The following KDM1B variants were observed in gnomAD, a reference collection of about 807,000 sequenced individuals.
The protein encoded by KDM1B is lysine demethylase 1B, also known as lysine-specific histone demethylase 2.
In KDM1B, 63 loss-of-function variants were observed where a neutral mutation model predicts 107.4. The ratio of observed to expected loss-of-function variants is 0.59; its 90% CI spans 0.48 to 0.72. KDM1B has a LOEUF of 0.72. KDM1B is among the 30% of genes least tolerant of loss of function. The pLI is 0.00. For missense variants in KDM1B, 749 were observed against 1,020.8 expected (o/e 0.73, Z 3.63); for synonymous variants, 363 against 363.9 (o/e 1.00, Z 0.03).
At position 18,201,348 on chromosome 6, in the gene KDM1B, G is replaced by T; in HGVS notation, c.1360-138G>T. The T allele has an allele frequency of 4.8e-6, 3 of 620,662 alleles. No homozygotes were observed. Among genetic ancestry groups the T allele is most frequent in the East Asian group, 2.8e-5 (1 of 35,456 alleles). The allele number at this position is 620,662 out of a possible 1,614,324, so 38.4% of individuals were successfully genotyped here. On this transcript the variant is annotated intron_variant, in intron 13 of 21. Coordinates refer to ENST00000650836, the MANE Select transcript of KDM1B (RefSeq NM_001364614.2). This position sits in a 1 kb window ranked among gnomAD's most constrained non-coding sequence, Gnocchi z 4.3. ...CTGCCTGACTTTGCTGCCATTCCCC[G>T]TGAAGCATATTTAGCTTTATTTTTG... is the stretch of plus-strand genomic sequence containing the variant.
At chr6:18,156,474 T>C (rs758893146) in intron 2 of KDM1B, among the ~76,000 whole-genome samples, 1 of 152,128 alleles carries the variant, frequency 6.6e-6, no homozygotes, top group African/African-American at 2.4e-5. Context: ...TTGTTTTGTG[T>C]TTTTAAATCT....
Position 18,213,605 on chromosome 6 carries a change from T to G in KDM1B, c.1984-51T>G, listed in dbSNP as rs1189647125. On this transcript the variant is annotated intron_variant, in intron 18 of 21. Transcript: ENST00000650836. The surrounding 1 kb of genome is among the most constrained non-coding windows in gnomAD (Gnocchi z 5.9). ...CAGGTTGCTGCTTAGATATTGCCTGTGGTTTTGTGACGACAGACACCTAAC... is the reference window on the plus strand; with the variant it reads ...CAGGTTGCTGCTTAGATATTGCCTGGGGTTTTGTGACGACAGACACCTAAC... The G allele has an allele frequency of 2.4e-5, 39 of 1,607,946 alleles. No homozygotes were observed. The highest frequency in any genetic ancestry group is 3.3e-5 in the Non-Finnish European group (39 of 1,174,922).
chr6:18,201,143 TTGTG>T lies in KDM1B; in HGVS notation c.1360-339_1360-336del, dbSNP rs1788003581. Among the ~76,000 whole-genome samples, 2 of 152,184 alleles carry T rather than the reference TTGTG, an allele frequency of 1.3e-5. No individual in the cohort carries two copies. The highest frequency in any genetic ancestry group is 4.8e-5 in the African/African-American group (2 of 41,440). On this transcript the variant is annotated intron_variant, in intron 13 of 21. Coordinates refer to ENST00000650836, the MANE Select transcript of KDM1B (RefSeq NM_001364614.2). This position sits in a 1 kb window ranked among gnomAD's most constrained non-coding sequence, Gnocchi z 4.3. ...ACTTCTGCTATGAGTGTTTGTGTGT[TTGTG>T]TGTTCATTTACATGAGGGTCCACAG...
chr6:18,174,935 T>A (rs1247140994), intron 7 of KDM1B, among the ~76,000 whole-genome samples: 1 of 152,256 alleles, frequency 6.6e-6, no homozygotes. Context: ...AATTGTGAAC[T>A]GTGCTGCTAT....
chr6:18,199,598 T>C (rs560467635), intron 12 of KDM1B, among the ~76,000 whole-genome samples: 53 of 152,178 alleles, frequency 3.5e-4, no homozygotes, highest in African/African-American at 1.2e-3. Flanking sequence ...CAGCTTCTCA[T>C]GCCACCAGCA....
intron 10 of KDM1B, among the ~76,000 whole-genome samples, chr6:18,195,703 C>A (rs1368922001): frequency 7.5e-6 from 1 of 134,116 alleles, no homozygotes; most frequent in African/African-American, 3.0e-5. Flanking sequence ...CCACTGCACT[C>A]CAGCCTGGTG....
At chr6:18,192,684 C>T (rs1381748501) in intron 10 of KDM1B, among the ~76,000 whole-genome samples, 1 of 150,334 alleles carries the variant, frequency 6.7e-6, no homozygotes, top group African/African-American at 2.5e-5. Flanking sequence ...GCAGGAGGAT[C>T]GCTTGTGCCT....
intron 9 of KDM1B, 114 bp downstream of exon 9, chr6:18,188,116 G>C: frequency 1.1e-6 from 1 of 938,196 alleles, no homozygotes; most frequent in Non-Finnish European, 1.6e-6. Flanking sequence ...TGGGCACAGT[G>C]GCTCATGCCT....
rs9477670 is a variant in KDM1B, at chr6:18,203,259, A to G, written c.1531+1602A>G. Among the ~76,000 whole-genome samples, 223 of 152,338 alleles carry G rather than the reference A, an allele frequency of 1.5e-3. 1 individual carries two copies. Among genetic ancestry groups the G allele is most frequent in the African/African-American group, 4.8e-3 (200 of 41,584 alleles). ...GCCACTGCACCTCAGCTTGGGTGAC[A>G]TAGTGAGACACTGTCTCACAAACAA... On this transcript the variant is annotated intron_variant, in intron 14 of 21. Coordinates refer to ENST00000650836, the MANE Select transcript of KDM1B (RefSeq NM_001364614.2). The surrounding 1 kb of genome is among the most constrained non-coding windows in gnomAD (Gnocchi z 5.5).
At position 18,222,488 on chromosome 6, in the gene KDM1B, G is replaced by C. The variant is rs770053589; in HGVS notation, c.*496G>C. The C allele has an allele frequency of 9.0e-5, 18 of 199,682 alleles. No individual in the cohort carries two copies. In the East Asian group the frequency reaches 2.3e-3, roughly 25 times the overall value. The allele number at this position is 199,682 out of a possible 1,614,324, so 12.4% of individuals were successfully genotyped here. ...ATATTGAGCTTTTACTTAAAATTTAGATAGAACTTTTTTTTGGATACAGCA... is the reference window on the plus strand; with the variant it reads ...ATATTGAGCTTTTACTTAAAATTTACATAGAACTTTTTTTTGGATACAGCA... On this transcript the variant is annotated 3_prime_UTR_variant, in exon 22 of 22. Coordinates refer to ENST00000650836, the MANE Select transcript of KDM1B (RefSeq NM_001364614.2).
Position 18,162,774 on chromosome 6 carries a change from A to T in KDM1B, c.216-61A>T. ...AGATGGTGCTTGCAAGATGTTTTTT[A>T]AAAAATGGGAGGAGAAATGTTTATT... On this transcript the variant is annotated intron_variant, in intron 4 of 21. Transcript: ENST00000650836. The surrounding 1 kb of genome is among the most constrained non-coding windows in gnomAD (Gnocchi z 4.1). The T allele has an allele frequency of 2.0e-6, 2 of 977,708 alleles. No homozygotes were observed. Among genetic ancestry groups the T allele is most frequent in the Non-Finnish European group, 3.3e-6 (2 of 607,442 alleles). The allele number at this position is 977,708 out of a possible 1,614,324, so 60.6% of individuals were successfully genotyped here.
intron 17 of KDM1B, among the ~76,000 whole-genome samples, chr6:18,210,811 C>T (rs1265749536): frequency 6.6e-6 from 1 of 152,088 alleles, no homozygotes; most frequent in Admixed American, 6.6e-5. Flanking sequence ...CCAGCCTGGG[C>T]AACATGGTGA....
At chr6:18,173,932 C>T (rs925328613) in intron 7 of KDM1B, among the ~76,000 whole-genome samples, 6 of 152,084 alleles carry the variant, frequency 3.9e-5, no homozygotes, top group Admixed American at 1.3e-4. Flanking sequence ...ACTACAGGCA[C>T]ACACCACCAC....
In KDM1B at chr6:18,223,625, G is replaced by C. The variant is rs946008713; in HGVS notation, c.*1633G>C. On this transcript the variant is annotated 3_prime_UTR_variant, in exon 22 of 22. Coordinates refer to ENST00000650836, the MANE Select transcript of KDM1B (RefSeq NM_001364614.2). ...CAAGTAGGGGAAAACCTACTTTAAAGTATGGTAAATGTGTGTTTTAAACTT... is the reference window on the plus strand; with the variant it reads ...CAAGTAGGGGAAAACCTACTTTAAACTATGGTAAATGTGTGTTTTAAACTT... 3 of 152,156 alleles carry C rather than the reference G, an allele frequency of 2.0e-5. No individual in the cohort carries two copies. Among genetic ancestry groups the C allele is most frequent in the African/African-American group, 7.2e-5 (3 of 41,438 alleles). The allele number at this position is 152,156 out of a possible 1,614,324, so 9.4% of individuals were successfully genotyped here. A position where few individuals can be genotyped will look rare whatever the true frequency, so the allele number is the denominator to read the frequency against.
At chr6:18,164,802 T>A (rs4716225) in intron 5 of KDM1B, among the ~76,000 whole-genome samples, 7,345 of 152,098 alleles carry the variant, frequency 0.048, 278 homozygotes, top group East Asian at 0.17. Flanking sequence ...TGCGCCACCA[T>A]GCCCAGCTAA....
intron 20 of KDM1B, among the ~76,000 whole-genome samples, chr6:18,217,152 G>A (rs1430068707): frequency 6.6e-6 from 1 of 152,186 alleles, no homozygotes; most frequent in Non-Finnish European, 1.5e-5. Flanking sequence ...GCCCCCAGTA[G>A]AGGGAGAGTG....
rs963760034 is a variant in KDM1B, at chr6:18,159,121, C to G, written c.-13-762C>G. Among the ~76,000 whole-genome samples the G allele has an allele frequency of 6.6e-6, 1 of 152,198 alleles. No individual in the cohort carries two copies. Among genetic ancestry groups the G allele is most frequent in the African/African-American group, 2.4e-5 (1 of 41,432 alleles). On this transcript the variant is annotated intron_variant, in intron 2 of 21. Coordinates refer to ENST00000650836, the MANE Select transcript of KDM1B (RefSeq NM_001364614.2). The surrounding 1 kb of genome is among the most constrained non-coding windows in gnomAD (Gnocchi z 4.5). ...TAGCTGGAATTACAGGCACGCGCCT[C>G]CATGCCTGGCTAATTTTTGTATTTT...
In KDM1B at chr6:18,204,403, A is replaced by G. The variant is rs1459615862; in HGVS notation, c.1532-1134A>G. Among the ~76,000 whole-genome samples, 3 of 152,168 alleles carry G rather than the reference A, an allele frequency of 2.0e-5. 1 individual carries two copies. In the East Asian group the frequency reaches 5.8e-4, roughly 29 times the overall value. On this transcript the variant is annotated intron_variant, in intron 14 of 21. Coordinates refer to ENST00000650836, the MANE Select transcript of KDM1B (RefSeq NM_001364614.2). The surrounding 1 kb of genome is among the most constrained non-coding windows in gnomAD (Gnocchi z 4.9). ...GGAGGCCGATTGCTGGAGCCCCGGA[A>G]GTTGAGGCTGCAGTGAGTCGGAATG... is the stretch of plus-strand genomic sequence containing the variant.
At position 18,172,348 on chromosome 6, in the gene KDM1B, T is replaced by A. The variant is rs1481974933; in HGVS notation, c.534+869T>A. On this transcript the variant is annotated intron_variant, in intron 7 of 21. Transcript: ENST00000650836. The surrounding 1 kb of genome is among the most constrained non-coding windows in gnomAD (Gnocchi z 5.2). Reference sequence around the variant, plus strand: ...TTAATCTCAGAGGTAAAATACTTTGTTTCTAGAAATTGAGATAAAATTCAC... The same window carrying A: ...TTAATCTCAGAGGTAAAATACTTTGATTCTAGAAATTGAGATAAAATTCAC... Among the ~76,000 whole-genome samples, 1 of 152,194 alleles carries A rather than the reference T, an allele frequency of 6.6e-6. No homozygotes were observed. Among genetic ancestry groups the A allele is most frequent in the African/African-American group, 2.4e-5 (1 of 41,458 alleles).
Sources: gnomAD v4.1 joint callset for allele counts (sites outside exome capture counted in the v4.1 genomes callset) on GRCh38, gnomAD v4.1.1 for gene constraint, Gnocchi (gnomAD v3.1) non-coding constraint, MANE v1.5 for transcripts, NCBI Gene and HGNC (gene_info 2026-07-23, HGNC 2026-07-21) for gene names.